ENOX1: variants seen among roughly 807,000 people sequenced by gnomAD.
The protein encoded by ENOX1 is ecto-NOX disulfide-thiol exchanger 1, also known as candidate growth-related and time keeping constitutive hydroquinone (NADH) oxidase.
In ENOX1, 42 loss-of-function variants were observed where a neutral mutation model predicts 82.5. That is an observed-to-expected ratio of 0.51 (90% CI 0.40 to 0.66). The LOEUF (loss-of-function observed/expected upper bound fraction) is 0.66, where lower values mean the gene tolerates loss of function less well. ENOX1 is among the 30% of genes least tolerant of loss of function. The pLI, the probability that ENOX1 is intolerant of heterozygous loss-of-function variation, is 0.00. For missense variants in ENOX1, 608 were observed against 811.6 expected (o/e 0.75, Z 3.05); for synonymous variants, 271 against 282.2 (o/e 0.96, Z 0.40).
chr13:43,236,537 G>A (rs1555291650), intron 15 of ENOX1, 99 bp downstream of exon 15: 7 of 661,624 alleles, frequency 1.1e-5, no homozygotes, highest in Middle Eastern at 8.6e-4. Context: ...TTTACCAGAA[G>A]GCAATGCTGT....
chr13:43,674,195 G>A (rs1246146256), intron 1 of ENOX1, among the ~76,000 whole-genome samples: 1 of 152,186 alleles, frequency 6.6e-6, no homozygotes, highest in African/African-American at 2.4e-5. Context: ...TATGTATTAT[G>A]CAGCAGGAAT....
rs182956915 is a variant in ENOX1, at chr13:43,392,500, G to A, written c.208+19416C>T. Reference sequence around the variant, plus strand: ...TCAAGACCAGCCTGGCCAATGTGGTGAAACACTGTCTCTACTAAAAATACA... The same window carrying A: ...TCAAGACCAGCCTGGCCAATGTGGTAAAACACTGTCTCTACTAAAAATACA... On this transcript the variant is annotated intron_variant, in intron 5 of 16. Transcript: ENST00000690772. 2.6e-3 allele frequency among the ~76,000 whole-genome samples: 401 copies of A among 152,252 alleles called. 1 individual carries two copies. The highest frequency in any genetic ancestry group is 3.0e-3 in the Non-Finnish European group (201 of 68,022).
rs376307267 is a variant in ENOX1, at chr13:43,520,864, T to C, written c.-218-36712A>G. 3.3e-5 allele frequency among the ~76,000 whole-genome samples: 5 copies of C among 152,166 alleles called. No homozygotes were observed. The East Asian group carries it at 7.7e-4, about 24-fold the overall frequency. ...AAGGCTGGGTCGAAACAGGCTCTAT[T>C]TAAGATCAGTGGTGGTCACCCACCA... On this transcript the variant is annotated intron_variant, in intron 2 of 16. Transcript: ENST00000690772.
chr13:43,359,017 G>A (rs1421080591), intron 7 of ENOX1, among the ~76,000 whole-genome samples: 1 of 152,168 alleles, frequency 6.6e-6, no homozygotes, highest in East Asian at 1.9e-4. Flanking sequence ...CAATAGAGGT[G>A]GACTGCAGAA....
chr13:43,641,811 G>A (rs999132136), intron 2 of ENOX1, among the ~76,000 whole-genome samples: 1 of 151,940 alleles, frequency 6.6e-6, no homozygotes, highest in Non-Finnish European at 1.5e-5. Context: ...GGGATTACAG[G>A]CATGAGCCAC....
chr13:43,609,487 G>A (rs1377109983), intron 2 of ENOX1, among the ~76,000 whole-genome samples: 3 of 152,154 alleles, frequency 2.0e-5, no homozygotes, highest in Non-Finnish European at 4.4e-5. Context: ...TACAGTTTGA[G>A]CTTTCTAGAA....
chr13:43,386,279 C>A (rs1218662819), intron 5 of ENOX1, among the ~76,000 whole-genome samples: 1 of 152,192 alleles, frequency 6.6e-6, no homozygotes, highest in Non-Finnish European at 1.5e-5. Context: ...TTACACATCC[C>A]TCTGTGTCCT....
chr13:43,413,417 G>A (rs929416563), intron 3 of ENOX1, among the ~76,000 whole-genome samples: 2 of 152,066 alleles, frequency 1.3e-5, no homozygotes, highest in Non-Finnish European at 2.9e-5. Flanking sequence ...GAAGATGGTC[G>A]TCTGTGGAAT....
intron 15 of ENOX1, among the ~76,000 whole-genome samples, chr13:43,232,507 C>G (rs1200784194): frequency 6.6e-6 from 1 of 152,110 alleles, no homozygotes; most frequent in Non-Finnish European, 1.5e-5. Flanking sequence ...ATTGCTTAAC[C>G]TTCTTTAAAA....
intron 2 of ENOX1, among the ~76,000 whole-genome samples, chr13:43,633,170 A>C (rs1378515933): frequency 6.6e-6 from 1 of 152,206 alleles, no homozygotes; most frequent in Admixed American, 6.5e-5. Context: ...AAAGGCATTC[A>C]AACTCACTAC....
chr13:43,469,706 A>C (rs1257757149), intron 3 of ENOX1, among the ~76,000 whole-genome samples: 1 of 152,018 alleles, frequency 6.6e-6, no homozygotes, highest in African/African-American at 2.4e-5. Context: ...TGATCCCTAG[A>C]ATAAATATAT....
rs539205159 is a variant in ENOX1 at position 43,677,431 on chromosome 13, G to A, written c.-284-9887C>T. 5.3e-5 allele frequency among the ~76,000 whole-genome samples: 8 copies of A among 152,324 alleles called. No homozygotes were observed. The South Asian group carries it at 1.2e-3, about 24-fold the overall frequency. On this transcript the variant is annotated intron_variant, in intron 1 of 16. Coordinates refer to ENST00000690772, the MANE Select transcript of ENOX1 (RefSeq NM_001347969.2). ...CGTACAGGTGGCTCTGAGGCTGGAA[G>A]CAGGAGGCTGTAGAGTGCCAATGCC...
chr13:43,373,014 T>C (rs1419490304), intron 5 of ENOX1, among the ~76,000 whole-genome samples: 1 of 152,140 alleles, frequency 6.6e-6, no homozygotes, highest in African/African-American at 2.4e-5. Context: ...CGAATTAAAA[T>C]ATGTACAAGG....
At chr13:43,655,825 G>A (rs955529337) in intron 2 of ENOX1, among the ~76,000 whole-genome samples, 4 of 152,040 alleles carry the variant, frequency 2.6e-5, no homozygotes, top group South Asian at 4.2e-4. Context: ...ATATGTTCCC[G>A]TTCTGGAAAA....
At chr13:43,464,480 G>A (rs562578903) in intron 3 of ENOX1, among the ~76,000 whole-genome samples, 2 of 152,212 alleles carry the variant, frequency 1.3e-5, no homozygotes, top group African/African-American at 4.8e-5. Context: ...AGAAGAGGCT[G>A]AGCAGTCAGG....
intron 2 of ENOX1, among the ~76,000 whole-genome samples, chr13:43,514,502 T>TA (rs1401102388): frequency 6.6e-6 from 1 of 152,132 alleles, no homozygotes; most frequent in Non-Finnish European, 1.5e-5. Flanking sequence ...CTGGGAGTAT[T>TA]ATCTTAAACA....
chr13:43,743,941 A>G (rs1949888238), intron 1 of ENOX1, among the ~76,000 whole-genome samples: 1 of 152,100 alleles, frequency 6.6e-6, no homozygotes, highest in Admixed American at 6.6e-5. Context: ...TTGCTTTTAT[A>G]ACAAACCCAG....
At chr13:43,224,024 C>G in intron 16 of ENOX1, 29 bp downstream of exon 16, 1 of 1,575,662 alleles carries the variant, frequency 6.3e-7, no homozygotes, top group South Asian at 1.1e-5. Context: ...ATTTGAGCAA[C>G]GAAAGTTCAC....
intron 1 of ENOX1, among the ~76,000 whole-genome samples, chr13:43,732,571 T>C (rs1471676807): frequency 6.6e-6 from 1 of 152,152 alleles, no homozygotes; most frequent in Non-Finnish European, 1.5e-5. Context: ...TGAACTAGCT[T>C]CCCACTGCTA....
Sources: allele counts gnomAD v4.1 joint callset (sites outside exome capture counted in the v4.1 genomes callset), GRCh38; gene constraint gnomAD v4.1.1; transcripts MANE v1.5; gene names NCBI Gene and HGNC (gene_info 2026-07-23, HGNC 2026-07-21).